GRIK4: variants seen among roughly 807,000 people sequenced by gnomAD.
GRIK4 encodes glutamate ionotropic receptor kainate type subunit 4.
Under a neutral mutation model 104.9 loss-of-function variants are expected in GRIK4, and 40 were observed. The observed-to-expected ratio is 0.38, with a 90% CI of 0.30 to 0.50. The LOEUF (loss-of-function observed/expected upper bound fraction) is 0.50. Among genes scored for constraint, GRIK4 ranks in the 20% least tolerant of loss-of-function variants. GRIK4 has a pLI of 0.93. For missense variants in GRIK4, 1,047 were observed against 1,308.1 expected (o/e 0.80, Z 3.08); for synonymous variants, 485 against 524.9 (o/e 0.92, Z 1.04).
intron 1 of GRIK4, among the ~76,000 whole-genome samples, chr11:120,534,453 C>G (rs2508652): frequency 6.6e-6 from 1 of 151,676 alleles, no homozygotes; most frequent in Non-Finnish European, 1.5e-5. Flanking sequence ...GAGCTCCCCT[C>G]GAAAGAATGT....
At chr11:120,761,642 G>A (rs1053618921) in intron 3 of GRIK4, among the ~76,000 whole-genome samples, 1 of 152,092 alleles carries the variant, frequency 6.6e-6, no homozygotes, top group Non-Finnish European at 1.5e-5. Flanking sequence ...GTAAGGAAGG[G>A]GTCCAGTTTC....
chr11:120,740,541 C>T (rs1951310324), intron 3 of GRIK4, among the ~76,000 whole-genome samples: 1 of 152,202 alleles, frequency 6.6e-6, no homozygotes, highest in African/African-American at 2.4e-5. Flanking sequence ...CCATATAGGG[C>T]CCCAGCTGGC....
intron 4 of GRIK4, among the ~76,000 whole-genome samples, chr11:120,804,139 A>C (rs1210059535): frequency 6.6e-6 from 1 of 152,218 alleles, no homozygotes; most frequent in East Asian, 1.9e-4. Context: ...GCAGGAGAAG[A>C]GCCCCTCAAA....
intron 1 of GRIK4, among the ~76,000 whole-genome samples, chr11:120,608,394 A>G (rs6589819): frequency 0.69 from 104,667 of 152,076 alleles, 36,329 homozygotes; most frequent in Non-Finnish European, 0.7. Context: ...ACTCAAAATC[A>G]CTAGGCTAAG....
chr11:120,644,864 G>GCA (rs1192652183), intron 1 of GRIK4, among the ~76,000 whole-genome samples: 35 of 152,044 alleles, frequency 2.3e-4, no homozygotes, highest in Non-Finnish European at 1.9e-4. Flanking sequence ...TTCACGTTGT[G>GCA]CACATGTACC....
chr11:120,692,651 A>G (rs1197763360), intron 3 of GRIK4, among the ~76,000 whole-genome samples: 1 of 152,216 alleles, frequency 6.6e-6, no homozygotes, highest in Non-Finnish European at 1.5e-5. Context: ...ACAGTCGGGA[A>G]GACGAGACTG....
At chr11:120,898,383 T>C (rs1464644400) in intron 11 of GRIK4, 149 bp from the exon 12 acceptor site, 1 of 420,882 alleles carries the variant, frequency 2.4e-6, no homozygotes, top group East Asian at 5.2e-5. Flanking sequence ...TGGGAAACAG[T>C]CTCCCTTCTG....
At chr11:120,808,163 C>T (rs1459820178) in intron 4 of GRIK4, among the ~76,000 whole-genome samples, 1 of 152,150 alleles carries the variant, frequency 6.6e-6, no homozygotes, top group Non-Finnish European at 1.5e-5. Context: ...TACATAGGGG[C>T]AGAGGAGAGA....
chr11:120,891,128 G>C (rs1476990579), intron 11 of GRIK4, among the ~76,000 whole-genome samples: 1 of 152,194 alleles, frequency 6.6e-6, no homozygotes, highest in African/African-American at 2.4e-5. Context: ...GAGCAGGCAG[G>C]ATTGCCAGGG....
intron 8 of GRIK4, among the ~76,000 whole-genome samples, chr11:120,846,603 C>T (rs188385176): frequency 1.1e-4 from 17 of 152,158 alleles, no homozygotes; most frequent in African/African-American, 3.6e-4. Context: ...CCAAGGAAGT[C>T]TCAGGTGAGA....
Position 120,919,561 on chromosome 11 carries a change from C to T in GRIK4, c.1476+14068C>T, listed in dbSNP as rs529678194. 7.2e-5 allele frequency among the ~76,000 whole-genome samples: 11 copies of T among 152,274 alleles called. No homozygotes were observed. The South Asian group carries it at 2.3e-3, about 32-fold the overall frequency. On this transcript the variant is annotated intron_variant, in intron 13 of 20. Transcript: ENST00000527524. ...TGGGACTCAACAATTTGCAACTTAA[C>T]AGGCCCTCCAGGTGGTGCTGATTCG...
chr11:120,743,405 G>A (rs1484478115), intron 3 of GRIK4, among the ~76,000 whole-genome samples: 1 of 152,078 alleles, frequency 6.6e-6, no homozygotes, highest in Non-Finnish European at 1.5e-5. Flanking sequence ...GGAAATATCA[G>A]ACACAGGGGT....
intron 1 of GRIK4, among the ~76,000 whole-genome samples, chr11:120,523,577 C>T (rs967358970): frequency 5.9e-5 from 9 of 152,302 alleles, no homozygotes; most frequent in South Asian, 2.1e-4. Flanking sequence ...CAGCCCTCCA[C>T]GGCAGGTCTT....
At chr11:120,768,650 C>T (rs1951883125) in intron 3 of GRIK4, among the ~76,000 whole-genome samples, 1 of 152,114 alleles carries the variant, frequency 6.6e-6, no homozygotes, top group South Asian at 2.1e-4. Context: ...CAGTTGTTCC[C>T]CATTGATTAT....
chr11:120,587,815 C>T (rs1948687445), intron 1 of GRIK4, among the ~76,000 whole-genome samples: 1 of 152,196 alleles, frequency 6.6e-6, no homozygotes, highest in Non-Finnish European at 1.5e-5. Context: ...TGGGGTGGCA[C>T]AGGCACCAGA....
chr11:120,873,963 C>A, intron 9 of GRIK4, 103 bp from the exon 10 acceptor site: 5 of 1,074,854 alleles, frequency 4.7e-6, no homozygotes, highest in Non-Finnish European at 6.7e-6. Context: ...CTTTCTTTTG[C>A]TTTCTCTTTT....
intron 3 of GRIK4, among the ~76,000 whole-genome samples, chr11:120,666,375 A>G (rs1949914721): frequency 6.6e-6 from 1 of 152,204 alleles, no homozygotes; most frequent in Non-Finnish European, 1.5e-5. Context: ...GGTCCTGAAT[A>G]GCCTGCTGGC....
chr11:120,676,493 G>C (rs967942015), intron 3 of GRIK4, among the ~76,000 whole-genome samples: 4 of 152,216 alleles, frequency 2.6e-5, no homozygotes, highest in Admixed American at 1.3e-4. Context: ...GAGAGCTTTC[G>C]TACTGCATCA....
At position 120,819,674 on chromosome 11, in the gene GRIK4, A is replaced by G. The variant is rs1953058358; in HGVS notation, c.346-81A>G. 7.4e-7 allele frequency: 1 copy of G among 1,359,510 alleles called. No homozygotes were observed. Among genetic ancestry groups the G allele is most frequent in the Non-Finnish European group, 1.0e-6 (1 of 955,062 alleles). The allele number at this position is 1,359,510 out of a possible 1,614,324, so 84.2% of individuals were successfully genotyped here. ...TTACATAAAAGAACTCACCCTCCAC[A>G]ACCTCAGCTCACTCATCCCTCTTTC... is the stretch of plus-strand genomic sequence containing the variant. On this transcript the variant is annotated intron_variant, in intron 5 of 20. Transcript: ENST00000527524. This position sits in a 1 kb window ranked among gnomAD's most constrained non-coding sequence, Gnocchi z 4.3.
Sources: allele counts gnomAD v4.1 joint callset (sites outside exome capture counted in the v4.1 genomes callset), GRCh38; gene constraint gnomAD v4.1.1; non-coding constraint Gnocchi (gnomAD v3.1); transcripts MANE v1.5; gene names NCBI Gene and HGNC (gene_info 2026-07-23, HGNC 2026-07-21).